Variants in NEDD4L observed in about 807,000 individuals in gnomAD.
NEDD4L encodes NEDD4 like E3 ubiquitin protein ligase.
NEDD4L carries 54 observed loss-of-function variants against 148.9 expected under a neutral mutation model. That is an observed-to-expected ratio of 0.36 (90% CI 0.29 to 0.45). The LOEUF (loss-of-function observed/expected upper bound fraction) is 0.45, where lower values mean the gene tolerates loss of function less well. NEDD4L is among the 20% of genes least tolerant of loss of function. The pLI, the probability that NEDD4L is intolerant of heterozygous loss-of-function variation, is 1.00. For missense variants in NEDD4L, 856 were observed against 1,233.8 expected (o/e 0.69, Z 4.59); for synonymous variants, 433 against 440.7 (o/e 0.98, Z 0.22).
At chr18:58,165,337 A>G (rs978784326) in intron 1 of NEDD4L, among the ~76,000 whole-genome samples, 1 of 152,250 alleles carries the variant, frequency 6.6e-6, no homozygotes, top group East Asian at 1.9e-4. Context: ...TAAAAGCACT[A>G]TAATTTTGAA....
intron 5 of NEDD4L, among the ~76,000 whole-genome samples, chr18:58,296,062 A>T (rs775546590): frequency 6.7e-4 from 102 of 152,172 alleles, no homozygotes; most frequent in Non-Finnish European, 7.6e-4. Flanking sequence ...CCCAGACCGG[A>T]GTCATACCAC....
intron 5 of NEDD4L, among the ~76,000 whole-genome samples, chr18:58,303,494 G>T (rs1482044103): frequency 6.6e-6 from 1 of 152,106 alleles, no homozygotes; most frequent in Admixed American, 6.5e-5. Context: ...TGTAACTTTT[G>T]CTCTTGATCT....
rs1213304163 is a variant in NEDD4L, at chr18:58,364,337, A to T, written c.1833+4A>T. On this transcript the variant is annotated splice_donor_region_variant and intron_variant, in intron 20 of 30. Coordinates refer to ENST00000400345, the MANE Select transcript of NEDD4L (RefSeq NM_001144967.3). ...CAGGAAGAAATTAAAGAAACCTGTG[A>T]GTAATCATGCCTTCCAAAAATGCTT... The T allele has an allele frequency of 6.5e-7, 1 of 1,543,284 alleles. No homozygotes were observed. The highest frequency in any genetic ancestry group is 2.4e-5 in the East Asian group (1 of 41,728).
chr18:58,250,135 T>G (rs116439319), intron 4 of NEDD4L, among the ~76,000 whole-genome samples: 2,943 of 152,098 alleles, frequency 0.019, 104 homozygotes, highest in African/African-American at 0.066. Context: ...TGAAGGTTTT[T>G]TTTGTTTGTT....
chr18:58,295,365 C>T (rs2055403990), intron 5 of NEDD4L, among the ~76,000 whole-genome samples: 1 of 152,152 alleles, frequency 6.6e-6, no homozygotes, highest in Non-Finnish European at 1.5e-5. Context: ...TGGAATAATG[C>T]AGTGTGTAGC....
At chr18:58,088,126 G>A (rs765838301) in intron 1 of NEDD4L, among the ~76,000 whole-genome samples, 64 of 152,334 alleles carry the variant, frequency 4.2e-4, no homozygotes, top group Non-Finnish European at 7.1e-4. Flanking sequence ...TGAGGGGTGC[G>A]TGAATGCCTT....
intron 1 of NEDD4L, among the ~76,000 whole-genome samples, chr18:58,160,229 G>T (rs1353265691): frequency 1.3e-5 from 2 of 152,196 alleles, no homozygotes; most frequent in Non-Finnish European, 2.9e-5. Context: ...TATGAGTAGG[G>T]CTGCTGGATT....
rs1216222622 is a variant in NEDD4L, at chr18:58,396,874, T to A, written c.*605T>A. 2 of 152,626 alleles carry A rather than the reference T, an allele frequency of 1.3e-5. No individual in the cohort carries two copies. The highest frequency in any genetic ancestry group is 2.9e-5 in the Non-Finnish European group (2 of 68,036). 9.5% of individuals were successfully genotyped at this position (152,626 alleles called of 1,614,324 possible). ...AAGTACTTTGAGAGAATTTCCAATA[T>A]AATATTAGACATAATGATAATTTTT... is the stretch of plus-strand genomic sequence containing the variant. On this transcript the variant is annotated 3_prime_UTR_variant, in exon 31 of 31. Transcript: ENST00000400345.
At chr18:58,392,600 G>C (rs1342947986) in intron 30 of NEDD4L, among the ~76,000 whole-genome samples, 1 of 152,004 alleles carries the variant, frequency 6.6e-6, no homozygotes, top group African/African-American at 2.4e-5. Context: ...GTCATTGCCT[G>C]TCAGAGCCTT....
intron 1 of NEDD4L, among the ~76,000 whole-genome samples, chr18:58,159,639 T>A (rs2035948006): frequency 1.3e-5 from 2 of 152,160 alleles, no homozygotes; most frequent in African/African-American, 4.8e-5. Flanking sequence ...CTGTGGCTGC[T>A]GTGTAGCAGG....
chr18:58,113,113 G>A (rs948355988), intron 1 of NEDD4L, among the ~76,000 whole-genome samples: 15 of 152,166 alleles, frequency 9.9e-5, no homozygotes, highest in East Asian at 5.8e-4. Flanking sequence ...AATAAGTTTC[G>A]GTTATTTATA....
intron 24 of NEDD4L, among the ~76,000 whole-genome samples, chr18:58,379,587 C>T (rs928554189): frequency 6.6e-6 from 1 of 152,186 alleles, no homozygotes; most frequent in African/African-American, 2.4e-5. Flanking sequence ...ATAGCCGCCT[C>T]TCCAACCCCC....
At chr18:58,046,174 G>A (rs1023775533) in intron 1 of NEDD4L, among the ~76,000 whole-genome samples, 1 of 152,224 alleles carries the variant, frequency 6.6e-6, no homozygotes, top group Non-Finnish European at 1.5e-5. Context: ...TTGCCTCGCT[G>A]TGCTTTTGTA....
At chr18:58,311,757 T>C (rs539893038) in intron 5 of NEDD4L, among the ~76,000 whole-genome samples, 1 of 152,278 alleles carries the variant, frequency 6.6e-6, no homozygotes, top group East Asian at 1.9e-4. Flanking sequence ...CTTTGAGAAA[T>C]TGAGTCTTGA....
intron 5 of NEDD4L, among the ~76,000 whole-genome samples, chr18:58,298,003 T>C (rs2055904094): frequency 6.6e-6 from 1 of 152,182 alleles, no homozygotes; most frequent in African/African-American, 2.4e-5. Flanking sequence ...TCCAGTAAAA[T>C]AGCAGTTTAA....
intron 9 of NEDD4L, among the ~76,000 whole-genome samples, chr18:58,326,442 T>G (rs759762781): frequency 2.0e-5 from 3 of 152,252 alleles, no homozygotes; most frequent in Non-Finnish European, 4.4e-5. Flanking sequence ...GTTGATTCTT[T>G]TTGTTTTTTA....
rs550486308 is a variant in NEDD4L at position 58,329,251 on chromosome 18, G to A, written c.813+124G>A. 2.4e-4 allele frequency: 269 copies of A among 1,124,434 alleles called. No individual in the cohort carries two copies. The African/African-American group carries it at 3.4e-3, about 14-fold the overall frequency. The allele number at this position is 1,124,434 out of a possible 1,614,324, so 69.7% of individuals were successfully genotyped here. On this transcript the variant is annotated intron_variant, in intron 10 of 30. Transcript: ENST00000400345. Reference sequence around the variant, plus strand: ...TTGAGAATGTAAAGATTACAGTGACGCAGGGAATTAATTACCATCTGAATA... The same window carrying A: ...TTGAGAATGTAAAGATTACAGTGACACAGGGAATTAATTACCATCTGAATA...
intron 1 of NEDD4L, among the ~76,000 whole-genome samples, chr18:58,160,890 C>T (rs1599227512): frequency 6.6e-6 from 1 of 152,202 alleles, no homozygotes; most frequent in South Asian, 2.1e-4. Context: ...AGTAATTGCT[C>T]AGTAAAGGTC....
intron 1 of NEDD4L, among the ~76,000 whole-genome samples, chr18:58,047,679 G>C (rs1193478925): frequency 6.6e-6 from 1 of 152,162 alleles, no homozygotes; most frequent in Non-Finnish European, 1.5e-5. Flanking sequence ...AAGGACTTTT[G>C]GTGTTAGAGG....
Sources: gnomAD v4.1 joint callset for allele counts (sites outside exome capture counted in the v4.1 genomes callset) on GRCh38, gnomAD v4.1.1 for gene constraint, MANE v1.5 for transcripts, NCBI Gene and HGNC (gene_info 2026-07-23, HGNC 2026-07-21) for gene names.